KSR1: variants seen among roughly 807,000 people sequenced by gnomAD.
KSR1 encodes the protein kinase suppressor of ras.
A neutral mutation model predicts 92.9 loss-of-function variants in KSR1; 35 were observed. That is an observed-to-expected ratio of 0.38 (90% CI 0.29 to 0.50). The LOEUF (loss-of-function observed/expected upper bound fraction) is 0.50, where lower values mean the gene tolerates loss of function less well. Among genes scored for constraint, KSR1 ranks in the 20% least tolerant of loss-of-function variants. The pLI is 0.94. For synonymous variants in KSR1, 467 were observed against 472.6 expected (o/e 0.99, Z 0.15); for missense variants, 972 against 1,158.5 (o/e 0.84, Z 2.34).
chr17:27,617,242 G>GC (rs773165036), intron 18 of KSR1, 53 bp from the exon 19 acceptor site: 70 of 1,558,914 alleles, frequency 4.5e-5, no homozygotes, highest in Admixed American at 4.3e-4. Flanking sequence ...CCTACTGTGT[G>GC]CCCCCTCCCT....
intron 1 of KSR1, among the ~76,000 whole-genome samples, chr17:27,476,335 A>T (rs1043407096): frequency 6.6e-6 from 1 of 152,196 alleles, no homozygotes; most frequent in Non-Finnish European, 1.5e-5. Context: ...GAAACAGGGA[A>T]GTTTCCAGAG....
intron 2 of KSR1, chr17:27,560,521 C>T (rs2071786352): frequency 7.7e-6 from 4 of 517,592 alleles, no homozygotes; most frequent in African/African-American, 3.9e-5. Flanking sequence ...TCTACCCTTG[C>T]GTTCCTGTGT....
chr17:27,488,442 C>G (rs2068730555), intron 1 of KSR1, among the ~76,000 whole-genome samples: 2 of 151,908 alleles, frequency 1.3e-5, no homozygotes, highest in South Asian at 4.1e-4. Context: ...GCAATTTCCT[C>G]TTGATAGTTA....
At chr17:27,617,149 A>G in intron 18 of KSR1, 146 bp from the exon 19 acceptor site, 1 of 784,182 alleles carries the variant, frequency 1.3e-6, no homozygotes, top group East Asian at 2.8e-5. Flanking sequence ...GTTACTTCTC[A>G]CCCCTTCATG....
At chr17:27,483,058 G>T (rs531675267) in intron 1 of KSR1, among the ~76,000 whole-genome samples, 80 of 152,214 alleles carry the variant, frequency 5.3e-4, no homozygotes, top group Non-Finnish European at 8.7e-4. Context: ...CGCAGGCCTT[G>T]TCCCTGGCTT....
chr17:27,495,923 G>A (rs1342607670), intron 1 of KSR1, among the ~76,000 whole-genome samples: 1 of 152,214 alleles, frequency 6.6e-6, no homozygotes, highest in Non-Finnish European at 1.5e-5. Context: ...AGTTTGGAAA[G>A]TGCTTCCTTC....
intron 1 of KSR1, among the ~76,000 whole-genome samples, chr17:27,532,296 G>A (rs2070571368): frequency 6.6e-6 from 1 of 152,230 alleles, no homozygotes; most frequent in Non-Finnish European, 1.5e-5. Flanking sequence ...GTTTTTCTCA[G>A]TGCGGGTGAG....
In KSR1 at chr17:27,559,903, G is replaced by C. The variant is rs905945953; in HGVS notation, c.372+9195G>C. On this transcript the variant is annotated intron_variant, in intron 2 of 20. Coordinates refer to ENST00000644974, the MANE Select transcript of KSR1 (RefSeq NM_001394583.1). The surrounding 1 kb of genome is among the most constrained non-coding windows in gnomAD (Gnocchi z 4.2). ...CAGCTCTCCCTGTGTGCAGTGTAGG[G>C]GTTGGGGCTCCTCTTAGGGGATATT... is the stretch of plus-strand genomic sequence containing the variant. Among the ~76,000 whole-genome samples, 1 of 152,244 alleles carries C rather than the reference G, an allele frequency of 6.6e-6. No individual in the cohort carries two copies. The highest frequency in any genetic ancestry group is 2.4e-5 in the African/African-American group (1 of 41,466).
At chr17:27,472,241 T>G (rs2020052267) in intron 1 of KSR1, among the ~76,000 whole-genome samples, 1 of 152,214 alleles carries the variant, frequency 6.6e-6, no homozygotes, top group Admixed American at 6.5e-5. Context: ...ATTGTGCTCC[T>G]CATGGGTTTC....
chr17:27,608,342 C>A (rs1364202849), intron 15 of KSR1, among the ~76,000 whole-genome samples: 1 of 152,100 alleles, frequency 6.6e-6, no homozygotes, highest in Non-Finnish European at 1.5e-5. Flanking sequence ...AGTTTTCTCC[C>A]CTGTAAAATG....
chr17:27,496,620 T>C (rs763240543), intron 1 of KSR1, among the ~76,000 whole-genome samples: 3 of 152,044 alleles, frequency 2.0e-5, no homozygotes, highest in Non-Finnish European at 4.4e-5. Context: ...AGGAATTGGG[T>C]TGGGACTGTG....
chr17:27,608,579 G>C (rs2073828394), intron 15 of KSR1, among the ~76,000 whole-genome samples: 1 of 152,112 alleles, frequency 6.6e-6, no homozygotes, highest in African/African-American at 2.4e-5. Flanking sequence ...TCGCTTGATA[G>C]GTGAGGAAAC....
intron 1 of KSR1, among the ~76,000 whole-genome samples, chr17:27,541,733 C>T (rs1328706812): frequency 6.6e-6 from 1 of 152,220 alleles, no homozygotes; most frequent in African/African-American, 2.4e-5. Context: ...AAGAAAGTTA[C>T]AAAGGCTGGT....
intron 1 of KSR1, among the ~76,000 whole-genome samples, chr17:27,485,991 C>T (rs982300088): frequency 1.3e-5 from 2 of 152,194 alleles, no homozygotes; most frequent in African/African-American, 4.8e-5. Context: ...AATTAGTCTT[C>T]GTGCTTCTTA....
At chr17:27,479,550 C>G (rs2068452226) in intron 1 of KSR1, among the ~76,000 whole-genome samples, 2 of 152,124 alleles carry the variant, frequency 1.3e-5, no homozygotes, top group South Asian at 4.1e-4. Context: ...ATGGGCTGCT[C>G]TGACCCACAC....
intron 1 of KSR1, among the ~76,000 whole-genome samples, chr17:27,501,292 C>CTTTTT: frequency 1.2e-3 from 59 of 49,704 alleles, no homozygotes; most frequent in South Asian, 2.6e-3. Flanking sequence ...TTCTTTTCTT[C>CTTTTT]TTTTTTTTTT....
intron 1 of KSR1, among the ~76,000 whole-genome samples, chr17:27,485,158 A>G (rs2068629512): frequency 6.6e-6 from 1 of 152,178 alleles, no homozygotes; most frequent in South Asian, 2.1e-4. Context: ...GCTGTCTGTC[A>G]TGGGGGCAAG....
intron 12 of KSR1, among the ~76,000 whole-genome samples, chr17:27,604,355 T>C (rs928442334): frequency 1.1e-4 from 17 of 152,202 alleles, no homozygotes; most frequent in Non-Finnish European, 2.4e-4. Context: ...GTTTTCCAAG[T>C]TGAGGCCGTC....
chr17:27,537,510 G>A (rs556912085), intron 1 of KSR1, among the ~76,000 whole-genome samples: 1 of 152,228 alleles, frequency 6.6e-6, no homozygotes, highest in South Asian at 2.1e-4. Flanking sequence ...GGCCAACATG[G>A]TGAAACCCCA....
Sources: allele counts gnomAD v4.1 joint callset (sites outside exome capture counted in the v4.1 genomes callset), GRCh38; gene constraint gnomAD v4.1.1; non-coding constraint Gnocchi (gnomAD v3.1); transcripts MANE v1.5; gene names NCBI Gene and HGNC (gene_info 2026-07-23, HGNC 2026-07-21).